TNIP1: variants seen among roughly 807,000 people sequenced by gnomAD.
TNIP1 encodes TNFAIP3 interacting protein 1, also known as TNFAIP3-interacting protein 1.
In TNIP1, 22 loss-of-function variants were observed where a neutral mutation model predicts 86.6. The ratio of observed to expected loss-of-function variants is 0.25; its 90% confidence interval spans 0.18 to 0.36. TNIP1 has a LOEUF of 0.36. TNIP1 is among the 10% of genes least tolerant of loss of function. The pLI is 1.00. For missense variants in TNIP1, 709 were observed against 820.6 expected (o/e 0.86, Z 1.66); for synonymous variants, 294 against 313.0 (o/e 0.94, Z 0.64).
intron 1 of TNIP1, among the ~76,000 whole-genome samples, chr5:151,076,010 C>G (rs73272850): frequency 0.087 from 13,299 of 152,264 alleles, 1,280 homozygotes; most frequent in African/African-American, 0.24. Flanking sequence ...GCTCCTGCCT[C>G]TCAAGGAACA....
chr5:151,036,239 T>C (rs1301191879), intron 13 of TNIP1, among the ~76,000 whole-genome samples: 1 of 152,128 alleles, frequency 6.6e-6, no homozygotes, highest in Non-Finnish European at 1.5e-5. Context: ...ACAGAGACAA[T>C]GGGAGAGCCA....
At chr5:151,043,204 A>T (rs4958876) in intron 9 of TNIP1, among the ~76,000 whole-genome samples, 3 of 152,132 alleles carry the variant, frequency 2.0e-5, no homozygotes, top group Admixed American at 2.0e-4. Context: ...GAAACTACAT[A>T]GTTTTGGTGA....
chr5:151,069,146 T>C lies in TNIP1; in HGVS notation c.-36-4015A>G, dbSNP rs78115365. Among the ~76,000 whole-genome samples, 1,151 of 152,324 alleles carry C rather than the reference T, an allele frequency of 7.6e-3. 11 individuals are homozygous for C. The highest frequency in any genetic ancestry group is 0.026 in the African/African-American group (1,077 of 41,566). On this transcript the variant is annotated intron_variant, in intron 1 of 17. Coordinates refer to ENST00000521591, the MANE Select transcript of TNIP1 (RefSeq NM_006058.5). ...GAGCCACCCACTAGCAGGCAAGCAC[T>C]TGTGGGTGGCAGGGAGGCAGTAGTC...
chr5:151,049,772 G>T, intron 8 of TNIP1, 52 bp downstream of exon 8: 1 of 1,607,200 alleles, frequency 6.2e-7, no homozygotes, highest in South Asian at 1.1e-5. Flanking sequence ...GGTAAGCAGA[G>T]GCTGAGTACC....
Position 151,030,423 on chromosome 5 carries a change from T to C in TNIP1, c.*290A>G. ...TAGGATTGCTGCTCCTGGAGGCTTC[T>C]GCAACGGATGGTGGGTCAAAGCCGG... On this transcript the variant is annotated 3_prime_UTR_variant, in exon 18 of 18. Transcript: ENST00000521591. 1 of 535,936 alleles carries C rather than the reference T, an allele frequency of 1.9e-6. No homozygotes were observed. Among genetic ancestry groups the C allele is most frequent in the South Asian group, 2.1e-5 (1 of 48,526 alleles). 33.2% of individuals were successfully genotyped at this position (535,936 alleles called of 1,614,324 possible).
chr5:151,082,433 T>A (rs1764093316), upstream of TNIP1, among the ~76,000 whole-genome samples: 1 of 152,190 alleles, frequency 6.6e-6, no homozygotes, highest in East Asian at 1.9e-4. Flanking sequence ...CTGGTTTACA[T>A]AGCAGCTCCC....
At chr5:151,086,202 TCA>T (rs2113871654) in intron 1 of TNIP1, among the ~76,000 whole-genome samples, 1 of 152,348 alleles carries the variant, frequency 6.6e-6, no homozygotes, top group Admixed American at 6.5e-5. Flanking sequence ...TCCTGCTCTC[TCA>T]GAGCTCACAG....
intron 5 of TNIP1, among the ~76,000 whole-genome samples, chr5:151,058,011 C>G (rs1760906064): frequency 6.6e-6 from 1 of 152,184 alleles, no homozygotes; most frequent in Non-Finnish European, 1.5e-5. Context: ...ACCTCCGCCT[C>G]CTGGGTTCAA....
chr5:151,043,034 A>G, intron 9 of TNIP1, 73 bp from the exon 10 acceptor site: 2 of 1,501,420 alleles, frequency 1.3e-6, no homozygotes, highest in Non-Finnish European at 1.9e-6. Flanking sequence ...TGCCCCATGT[A>G]CACCAGCGTC....
At chr5:151,070,532 C>T (rs764698925) in intron 1 of TNIP1, among the ~76,000 whole-genome samples, 4 of 152,208 alleles carry the variant, frequency 2.6e-5, no homozygotes, top group Non-Finnish European at 5.9e-5. Flanking sequence ...TGCCTGGACA[C>T]ACCATAGCTA....
chr5:151,050,620 T>C (rs1759784627), intron 7 of TNIP1, among the ~76,000 whole-genome samples: 1 of 152,100 alleles, frequency 6.6e-6, no homozygotes, highest in African/African-American at 2.4e-5. Context: ...TGGATTCAGG[T>C]CTGACTAAAA....
At chr5:151,061,877 T>C (rs1351575230) in intron 4 of TNIP1, among the ~76,000 whole-genome samples, 1 of 152,246 alleles carries the variant, frequency 6.6e-6, no homozygotes, top group African/African-American at 2.4e-5. Context: ...CTTAACAGTA[T>C]ACAACTTAGT....
chr5:151,076,935 G>A (rs745498624), intron 1 of TNIP1, among the ~76,000 whole-genome samples: 1 of 152,190 alleles, frequency 6.6e-6, no homozygotes, highest in Non-Finnish European at 1.5e-5. Context: ...ACAAAGCAAA[G>A]GACAACTCAT....
At chr5:151,047,041 T>A (rs1178782351) in intron 8 of TNIP1, among the ~76,000 whole-genome samples, 1 of 152,134 alleles carries the variant, frequency 6.6e-6, no homozygotes, top group Non-Finnish European at 1.5e-5. Context: ...AATAGAGTAT[T>A]TGCATAGTCT....
chr5:151,038,875 G>C lies in TNIP1; in HGVS notation c.1263+222C>G, dbSNP rs113042010. Among the ~76,000 whole-genome samples, 834 of 152,174 alleles carry C rather than the reference G, an allele frequency of 5.5e-3. 8 individuals carry two copies. Among genetic ancestry groups the C allele is most frequent in the African/African-American group, 0.019 (788 of 41,520 alleles). On this transcript the variant is annotated intron_variant, in intron 12 of 17. Coordinates refer to ENST00000521591, the MANE Select transcript of TNIP1 (RefSeq NM_006058.5). ...CAGGGTGGGCAGGTGAGGCACAAGG[G>C]GAAGAGTGCACCTCCAGAGGGAAGG...
rs778397527 is a variant in TNIP1 at position 151,062,111 on chromosome 5, T to C, written c.357+16A>G. 9 of 1,613,246 alleles carry C rather than the reference T, an allele frequency of 5.6e-6. No homozygotes were observed. Among genetic ancestry groups the C allele is most frequent in the Non-Finnish European group, 7.6e-6 (9 of 1,179,380 alleles). The stretch of plus-strand genomic sequence containing the variant: ...CATCCAGGCAACCTCCACCCATGAC[T>C]CCAAATAAAACTTACACTGGATGGA... On this transcript the variant is annotated intron_variant, in intron 4 of 17. Transcript: ENST00000521591.
chr5:151,064,906 C>T (rs1048676950), intron 2 of TNIP1, 54 bp downstream of exon 2: 11 of 1,610,442 alleles, frequency 6.8e-6, no homozygotes, highest in Non-Finnish European at 9.3e-6. Context: ...GAGGGACTGG[C>T]ATCACAGTCT....
chr5:151,035,508 A>G (rs983020943), intron 14 of TNIP1, 74 bp downstream of exon 14: 9 of 1,607,870 alleles, frequency 5.6e-6, no homozygotes, highest in African/African-American at 2.7e-5. Context: ...CAGCCTCACC[A>G]GGGCCCTCCA....
intron 8 of TNIP1, among the ~76,000 whole-genome samples, chr5:151,048,453 G>A (rs372703641): frequency 6.6e-5 from 10 of 152,166 alleles, no homozygotes; most frequent in Admixed American, 2.0e-4. Flanking sequence ...ACTTACCCAA[G>A]GTTGCAGTGC....
Sources: gnomAD v4.1 joint callset for allele counts (sites outside exome capture counted in the v4.1 genomes callset) on GRCh38, gnomAD v4.1.1 for gene constraint, MANE v1.5 for transcripts, NCBI Gene and HGNC (gene_info 2026-07-23, HGNC 2026-07-21) for gene names.